Variants in RGL3 observed in about 807,000 individuals in gnomAD.
The protein encoded by RGL3 is ral guanine nucleotide dissociation stimulator like 3, also known as ral guanine nucleotide dissociation stimulator-like 3.
RGL3 carries 85 observed loss-of-function variants against 90.6 expected under a neutral mutation model. The observed-to-expected ratio is 0.94, with a 90% CI of 0.79 to 1.12. The LOEUF (loss-of-function observed/expected upper bound fraction) is 1.12, where lower values mean the gene tolerates loss of function less well. RGL3 is among the 50% of genes most tolerant of loss of function. RGL3 has a pLI of 0.00. For missense variants in RGL3, 1,034 were observed against 939.2 expected (o/e 1.10, Z -1.32); for synonymous variants, 408 against 385.5 (o/e 1.06, Z -0.68).
intron 5 of RGL3, among the ~76,000 whole-genome samples, chr19:11,413,424 A>G (rs1284944912): frequency 6.6e-6 from 1 of 150,826 alleles, no homozygotes; most frequent in Non-Finnish European, 1.5e-5. Flanking sequence ...AATCCCAGCT[A>G]CTTGGGAGGC....
intron 5 of RGL3, among the ~76,000 whole-genome samples, chr19:11,409,293 AC>A (rs1308513167): frequency 6.6e-6 from 1 of 152,194 alleles, no homozygotes; most frequent in African/African-American, 2.4e-5. Context: ...ATCCTGGCTA[AC>A]ATGGTGAAAC....
At chr19:11,418,828 C>T in intron 1 of RGL3, 44 bp from the exon 2 acceptor site, 1 of 1,474,096 alleles carries the variant, frequency 6.8e-7, no homozygotes, top group South Asian at 1.3e-5. Flanking sequence ...GGCACAGGTC[C>T]TGGGGCCTCA....
In RGL3 at chr19:11,416,807, G is replaced by C. The variant is rs766542074; in HGVS notation, c.371+29C>G. On this transcript the variant is annotated intron_variant, in intron 3 of 18. Transcript: ENST00000380456. ...TGCCCAGTTGGGGTTCTAGGGTGGA[G>C]AATACGGAGGTTATGGTTCGCTACT... The C allele has an allele frequency of 9.9e-5, 160 of 1,610,642 alleles. No homozygotes were observed. The South Asian group carries it at 1.7e-3, about 17-fold the overall frequency.
In RGL3 at chr19:11,415,936, C is replaced by T; in HGVS notation, c.637+1G>A. ...CACGACTGGATCTGAAAACCCCTCA[C>T]CTGTCCACACCTGAGGCGGCTCCTC... On this transcript the variant is annotated splice_donor_variant, in intron 5 of 18. Transcript: ENST00000380456. LOFTEE classifies it high-confidence loss of function. 1 of 1,610,760 alleles carries T rather than the reference C, an allele frequency of 6.2e-7. No individual in the cohort carries two copies. Among genetic ancestry groups the T allele is most frequent in the Non-Finnish European group, 8.5e-7 (1 of 1,178,596 alleles).
intron 2 of RGL3, 54 bp from the exon 3 acceptor site, chr19:11,417,113 C>G (rs1487657680): frequency 6.0e-6 from 8 of 1,333,950 alleles, no homozygotes; most frequent in African/African-American, 1.5e-5. Context: ...TCACAGCACC[C>G]CTTCTCTAGT....
intron 2 of RGL3, among the ~76,000 whole-genome samples, chr19:11,418,070 G>A (rs1048848937): frequency 2.6e-5 from 4 of 151,916 alleles, no homozygotes; most frequent in African/African-American, 9.7e-5. Flanking sequence ...CTTCTGCCTT[G>A]GTCTCTCGAA....
intron 5 of RGL3, among the ~76,000 whole-genome samples, chr19:11,414,324 CAT>C (rs60359390): frequency 0.045 from 2,198 of 49,026 alleles, 368 homozygotes; most frequent in African/African-American, 0.11. Flanking sequence ...TATATACCTT[CAT>C]ATATATATAT....
At position 11,394,414 on chromosome 19, in the gene RGL3, G is replaced by C; in HGVS notation, c.2121C>G (p.Val707=). 6.2e-7 allele frequency: 1 copy of C among 1,613,284 alleles called. No individual in the cohort carries two copies. The highest frequency in any genetic ancestry group is 1.1e-5 in the South Asian group (1 of 91,042). Residue 707 remains valine (V), a synonymous_variant, in exon 19 of 19, where the codon GTC becomes GTG. Transcript: ENST00000380456. Reference sequence around the variant, plus strand: ...GGACAGGGCTGCCTCAGCTTGGGGAGACAGACAGAGTGTTCCGGGTCCCCT... The same window carrying C: ...GGACAGGGCTGCCTCAGCTTGGGGACACAGACAGAGTGTTCCGGGTCCCCT... The part of the protein sequence containing the change: ...RKEGTRNTLS[V]SPS
intron 2 of RGL3, 39 bp downstream of exon 2, chr19:11,418,632 G>T (rs1969045375): frequency 1.4e-6 from 2 of 1,474,688 alleles, no homozygotes; most frequent in African/African-American, 1.4e-5. Context: ...TCAACTGGTC[G>T]CTTCCGGCCC....
intron 4 of RGL3, 33 bp from the exon 5 acceptor site, chr19:11,416,181 C>G: frequency 2.1e-6 from 3 of 1,430,286 alleles, no homozygotes; most frequent in Non-Finnish European, 2.8e-6. Flanking sequence ...AGAGCTGGGT[C>G]CAGAGTGGGG....
At chr19:11,418,471 G>A (rs1969041598) in intron 2 of RGL3, 200 bp downstream of exon 2, 2 of 583,806 alleles carry the variant, frequency 3.4e-6, no homozygotes, top group Non-Finnish European at 6.1e-6. Flanking sequence ...GCCATCGCCT[G>A]GCCCCACCCC....
At chr19:11,398,557 G>A (rs1366739291) in intron 16 of RGL3, among the ~76,000 whole-genome samples, 1 of 152,070 alleles carries the variant, frequency 6.6e-6, no homozygotes, top group Non-Finnish European at 1.5e-5. Context: ...TGTTGGCTAG[G>A]CTGGTCTCAA....
At chr19:11,401,925 C>G (rs888411266) in intron 13 of RGL3, 86 bp downstream of exon 13, 16 of 1,479,322 alleles carry the variant, frequency 1.1e-5, no homozygotes, top group Non-Finnish European at 1.3e-5. Context: ...TTGGGAGGAG[C>G]TGGAGGTGTG....
In RGL3 at chr19:11,418,706, G is replaced by T. The variant is rs766827658; in HGVS notation, c.112C>A (p.Arg38Ser). ...CCGGGGCCCTCCGCCGGGCTCCTGC[G>T]CTGACTGCGCTGCCGCCGCAGGGAG... Reference protein sequence around the residue: ...SVSLRRQRSQRRSPAEGPGGS... With the variant: ...SVSLRRQRSQSRSPAEGPGGS... The change falls in exon 2 of 19, where the codon CGC becomes AGC. Residue 38 changes from arginine (R) to serine (S), a missense_variant. Arg to Ser is a moderately radical substitution (Grantham distance 110). Coordinates refer to ENST00000380456, the MANE Select transcript of RGL3 (RefSeq NM_001035223.4). 2 of 1,571,982 alleles carry T rather than the reference G, an allele frequency of 1.3e-6. No homozygotes were observed. Among genetic ancestry groups the T allele is most frequent in the East Asian group, 4.6e-5 (2 of 43,356 alleles).
At chr19:11,414,152 T>C (rs1181282794) in intron 5 of RGL3, among the ~76,000 whole-genome samples, 1 of 84,294 alleles carries the variant, frequency 1.2e-5, no homozygotes, top group South Asian at 4.8e-4. Flanking sequence ...TATATATATA[T>C]ATATATATAT....
At chr19:11,418,102 G>A (rs1224266107) in intron 2 of RGL3, among the ~76,000 whole-genome samples, 1 of 151,796 alleles carries the variant, frequency 6.6e-6, no homozygotes, top group African/African-American at 2.4e-5. Context: ...ATAGGTGTGT[G>A]CCCCACTCCC....
chr19:11,400,176 G>T, intron 14 of RGL3, 26 bp downstream of exon 14: 1 of 1,563,444 alleles, frequency 6.4e-7, no homozygotes, highest in Non-Finnish European at 8.7e-7. Flanking sequence ...CCACATCACC[G>T]CCCCTACACA....
chr19:11,396,914 C>T (rs1057500751), intron 18 of RGL3, among the ~76,000 whole-genome samples: 1 of 151,964 alleles, frequency 6.6e-6, no homozygotes, highest in African/African-American at 2.4e-5. Context: ...GTGATCCGCC[C>T]AGCTTGACCT....
In RGL3 at chr19:11,412,280, C is replaced by CAA. The variant is rs35289278; in HGVS notation, c.637+3655_637+3656dup. On this transcript the variant is annotated intron_variant, in intron 5 of 18. Coordinates refer to ENST00000380456, the MANE Select transcript of RGL3 (RefSeq NM_001035223.4). ...GGGCAACAAGAGCGAAACTCCGTCT[C>CAA]AAAAAAAAAAAAAAAAAAAGTAAGC... Among the ~76,000 whole-genome samples, 258 of 65,544 alleles carry CAA rather than the reference C, an allele frequency of 3.9e-3. 2 individuals are homozygous for CAA. The highest frequency in any genetic ancestry group is 7.3e-3 in the South Asian group (17 of 2,332). 43.0% of individuals were successfully genotyped at this position (65,544 alleles called of 152,430 possible).
Sources: gnomAD v4.1 joint callset for allele counts (sites outside exome capture counted in the v4.1 genomes callset) on GRCh38, gnomAD v4.1.1 for gene constraint, MANE v1.5 for transcripts, NCBI Gene and HGNC (gene_info 2026-07-23, HGNC 2026-07-21) for gene names.